The following SPAG17 variants were observed in gnomAD, a reference collection of about 807,000 sequenced individuals.
The protein encoded by SPAG17 is sperm associated antigen 17.
A neutral mutation model predicts 273.6 loss-of-function variants in SPAG17; 169 were observed. That is an observed-to-expected ratio of 0.62 (90% CI 0.55 to 0.70). SPAG17 has a LOEUF of 0.70. Among genes scored for constraint, SPAG17 ranks in the 30% least tolerant of loss-of-function variants. The pLI is 0.00. For synonymous variants in SPAG17, 825 were observed against 873.2 expected, an observed-to-expected ratio of 0.94 and a Z score of 0.97; for missense variants, 2,557 against 2,627.8, an observed-to-expected ratio of 0.97 and a Z score of 0.59.
chr1:118,117,887 G>A (rs1657185830), intron 3 of SPAG17, among the ~76,000 whole-genome samples: 1 of 152,238 alleles, frequency 6.6e-6, no homozygotes, highest in Non-Finnish European at 1.5e-5. Context: ...GAATGATATT[G>A]TGAATTATTG....
intron 18 of SPAG17, among the ~76,000 whole-genome samples, chr1:118,060,626 T>C (rs553479885): frequency 2.3e-4 from 35 of 152,322 alleles, no homozygotes; most frequent in African/African-American, 8.4e-4. Context: ...GTAAGTTTTA[T>C]GCTTTTATAA....
intron 26 of SPAG17, among the ~76,000 whole-genome samples, chr1:118,027,928 G>A (rs1647947032): frequency 1.3e-5 from 2 of 152,204 alleles, no homozygotes; most frequent in South Asian, 4.1e-4. Context: ...ATACACACAA[G>A]TTTTTAAGAG....
At chr1:118,042,504 A>C (rs1649887301) in intron 20 of SPAG17, among the ~76,000 whole-genome samples, 1 of 152,150 alleles carries the variant, frequency 6.6e-6, no homozygotes, top group Non-Finnish European at 1.5e-5. Flanking sequence ...AAAATGATGG[A>C]GGGTAAGTCT....
intron 3 of SPAG17, among the ~76,000 whole-genome samples, 186 bp from the exon 4 acceptor site, chr1:118,115,627 C>G (rs1657033363): frequency 6.6e-6 from 1 of 151,986 alleles, no homozygotes; most frequent in Non-Finnish European, 1.5e-5. Context: ...CATTTACCCT[C>G]TACTTTAAAT....
At chr1:118,081,024 C>A in intron 15 of SPAG17, 77 bp downstream of exon 15, 1 of 1,164,768 alleles carries the variant, frequency 8.6e-7, no homozygotes. Flanking sequence ...GCATCTTAAA[C>A]ATTTTTTGAT....
At chr1:118,036,939 T>A in intron 23 of SPAG17, 56 bp from the exon 24 acceptor site, 1 of 1,231,382 alleles carries the variant, frequency 8.1e-7, no homozygotes, top group Non-Finnish European at 1.2e-6. Flanking sequence ...TAAATATAAC[T>A]AAGACTCAGT....
At chr1:118,015,499 A>G (rs1659869455) in intron 29 of SPAG17, among the ~76,000 whole-genome samples, 1 of 152,176 alleles carries the variant, frequency 6.6e-6, no homozygotes, top group South Asian at 2.1e-4. Context: ...TCCAAATCAA[A>G]GGATCATGAA....
In SPAG17 at chr1:118,057,329, A is replaced by C. The variant is rs139604506; in HGVS notation, c.2541-1415T>G. 6.6e-5 allele frequency among the ~76,000 whole-genome samples: 10 copies of C among 152,134 alleles called. No individual in the cohort carries two copies. The East Asian group carries it at 1.7e-3, about 26-fold the overall frequency. On this transcript the variant is annotated intron_variant, in intron 18 of 48. Transcript: ENST00000336338. ...GCTAGGATTTCTGCAATAGCCTCCA[A>C]CTGGTTTCCCTGCTCCTACCCTGGG...
chr1:118,154,570 A>T (rs1230250243), intron 1 of SPAG17, among the ~76,000 whole-genome samples: 1 of 152,168 alleles, frequency 6.6e-6, no homozygotes, highest in African/African-American at 2.4e-5. Flanking sequence ...GTAACCAGAG[A>T]TTCCAAACTT....
intron 20 of SPAG17, among the ~76,000 whole-genome samples, chr1:118,051,397 T>C (rs1228103835): frequency 6.6e-6 from 1 of 152,008 alleles, no homozygotes; most frequent in African/African-American, 2.4e-5. Context: ...TGGGTATATA[T>C]CTAAAGGATT....
chr1:118,032,991 C>T (rs932944307), intron 24 of SPAG17, among the ~76,000 whole-genome samples: 2 of 152,160 alleles, frequency 1.3e-5, no homozygotes, highest in East Asian at 3.8e-4. Context: ...CATGCTCGGG[C>T]CCCACCTTGA....
chr1:117,987,795 C>A, intron 40 of SPAG17, 39 bp downstream of exon 40: 1 of 1,606,310 alleles, frequency 6.2e-7, no homozygotes, highest in African/African-American at 1.3e-5. Context: ...TTACTCTGGG[C>A]CCTTTCAGGT....
intron 22 of SPAG17, among the ~76,000 whole-genome samples, chr1:118,040,090 G>A (rs972839558): frequency 5.3e-5 from 8 of 152,076 alleles, no homozygotes; most frequent in African/African-American, 9.7e-5. Flanking sequence ...TATTGTGGTC[G>A]TTAATAAAAA....
intron 10 of SPAG17, among the ~76,000 whole-genome samples, chr1:118,088,058 A>G (rs1175519989): frequency 2.0e-5 from 3 of 152,176 alleles, no homozygotes; most frequent in African/African-American, 7.2e-5. Context: ...GAAACACCCT[A>G]CTGTCAGAAG....
At chr1:118,138,759 T>C (rs567383554) in intron 3 of SPAG17, among the ~76,000 whole-genome samples, 97 of 152,310 alleles carry the variant, frequency 6.4e-4, no homozygotes, top group African/African-American at 2.3e-3. Context: ...TCTTTAATGG[T>C]ATTTTGTTAT....
intron 4 of SPAG17, among the ~76,000 whole-genome samples, chr1:118,105,456 C>T (rs1430779005): frequency 6.6e-6 from 1 of 152,014 alleles, no homozygotes; most frequent in Non-Finnish European, 1.5e-5. Context: ...CTGAGTTCAT[C>T]CTGGGAGGGG....
At chr1:118,157,987 A>G (rs1659734088) in intron 1 of SPAG17, among the ~76,000 whole-genome samples, 1 of 152,202 alleles carries the variant, frequency 6.6e-6, no homozygotes. Context: ...AAAAAAAATC[A>G]ATCAGAATAT....
At chr1:118,153,572 G>C (rs1659500342) in intron 1 of SPAG17, among the ~76,000 whole-genome samples, 1 of 152,136 alleles carries the variant, frequency 6.6e-6, no homozygotes, top group Non-Finnish European at 1.5e-5. Context: ...AGGTAGGCTG[G>C]GCATGGTGGC....
chr1:118,104,901 G>A (rs72631726), intron 4 of SPAG17, among the ~76,000 whole-genome samples: 2 of 152,064 alleles, frequency 1.3e-5, no homozygotes, highest in Non-Finnish European at 2.9e-5. Context: ...ATGCAAGGGG[G>A]TATGAGGTCA....
Sources: gnomAD v4.1 joint callset for allele counts (sites outside exome capture counted in the v4.1 genomes callset) on GRCh38, gnomAD v4.1.1 for gene constraint, MANE v1.5 for transcripts, NCBI Gene and HGNC (gene_info 2026-07-23, HGNC 2026-07-21) for gene names.